The following FAM135B variants were observed in gnomAD, a reference collection of about 807,000 sequenced individuals.
The protein encoded by FAM135B is family with sequence similarity 135 member B.
In FAM135B, 43 loss-of-function variants were observed where a neutral mutation model predicts 127.7. The observed-to-expected ratio is 0.34, with a 90% CI of 0.26 to 0.43. The LOEUF is 0.43. Ranked by LOEUF, FAM135B falls within the 20% of genes least tolerant of loss-of-function variation. FAM135B has a pLI of 1.00. For missense variants in FAM135B, 1,558 were observed against 1,725.6 expected, an observed-to-expected ratio of 0.90 and a Z score of 1.72; for synonymous variants, 670 against 665.1, an observed-to-expected ratio of 1.01 and a Z score of -0.11.
chr8:138,216,087 T>C (rs1471752829), intron 7 of FAM135B, among the ~76,000 whole-genome samples: 1 of 152,186 alleles, frequency 6.6e-6, no homozygotes, highest in Non-Finnish European at 1.5e-5. Context: ...AAGGAGCCTG[T>C]CTGCACATGG....
At chr8:138,494,924 T>C (rs950509674) in intron 1 of FAM135B, among the ~76,000 whole-genome samples, 1 of 152,034 alleles carries the variant, frequency 6.6e-6, no homozygotes, top group Admixed American at 6.5e-5. Context: ...GGCAAAGCAC[T>C]TGACCTTCAG....
chr8:138,438,631 G>A (rs1055701914), intron 1 of FAM135B: 1 of 152,078 alleles, frequency 6.6e-6, no homozygotes, highest in African/African-American at 2.4e-5. Context: ...TATAACCAAG[G>A]AACAAGAGAG....
intron 1 of FAM135B, among the ~76,000 whole-genome samples, chr8:138,445,418 A>G (rs1167484300): frequency 2.0e-5 from 3 of 152,204 alleles, no homozygotes; most frequent in African/African-American, 7.2e-5. Flanking sequence ...AATACTGGCA[A>G]ACCAAATCCA....
At chr8:138,257,984 T>G (rs1444299945) in intron 4 of FAM135B, among the ~76,000 whole-genome samples, 1 of 152,140 alleles carries the variant, frequency 6.6e-6, no homozygotes, top group Non-Finnish European at 1.5e-5. Context: ...TCAGATCAGG[T>G]AATTGCTGTC....
chr8:138,474,287 C>T (rs1814263637), intron 1 of FAM135B, among the ~76,000 whole-genome samples: 1 of 152,116 alleles, frequency 6.6e-6, no homozygotes, highest in South Asian at 2.1e-4. Context: ...TCCAGTTCTA[C>T]CGGCCATTAA....
intron 1 of FAM135B, among the ~76,000 whole-genome samples, chr8:138,389,104 A>C (rs1044786499): frequency 2.0e-5 from 3 of 152,220 alleles, no homozygotes; most frequent in South Asian, 2.1e-4. Flanking sequence ...ACACAATGAG[A>C]TATCACTTCA....
intron 3 of FAM135B, among the ~76,000 whole-genome samples, chr8:138,289,514 G>A (rs1374959700): frequency 4.6e-5 from 7 of 152,196 alleles, no homozygotes; most frequent in African/African-American, 1.4e-4. Context: ...GTTCCAGCTC[G>A]GTGGTATCTT....
chr8:138,235,118 A>C (rs1820170736), intron 7 of FAM135B, among the ~76,000 whole-genome samples: 1 of 152,192 alleles, frequency 6.6e-6, no homozygotes, highest in African/African-American at 2.4e-5. Context: ...CACTGTGCCT[A>C]TTATGTCTGA....
chr8:138,231,511 C>T (rs1819906224), intron 7 of FAM135B, among the ~76,000 whole-genome samples: 1 of 152,144 alleles, frequency 6.6e-6, no homozygotes, highest in Non-Finnish European at 1.5e-5. Flanking sequence ...ACTAATATAA[C>T]ATTTTATTAA....
rs56214837 is a variant in FAM135B at position 138,228,343 on chromosome 8, C to A, written c.669+14599G>T. Among the ~76,000 whole-genome samples the A allele has an allele frequency of 1.5e-3, 227 of 152,066 alleles. 1 individual carries two copies. The highest frequency in any genetic ancestry group is 5.1e-3 in the African/African-American group (213 of 41,474). On this transcript the variant is annotated intron_variant, in intron 7 of 19. Transcript: ENST00000395297. ...GAGGTTTGCATAATTTAAGAGACTC[C>A]CCAGAGGATTGTGATGTGCACTCCT...
intron 2 of FAM135B, among the ~76,000 whole-genome samples, chr8:138,332,589 A>G (rs934512531): frequency 2.0e-5 from 3 of 151,902 alleles, no homozygotes; most frequent in African/African-American, 7.3e-5. Flanking sequence ...ACCTCCATTC[A>G]AGCAAACGGG....
At position 138,242,852 on chromosome 8, in the gene FAM135B, A is replaced by ATG; in HGVS notation, c.669+88_669+89dup. The stretch of plus-strand genomic sequence containing the variant: ...AAATTAGCAAAAATCTCTGAAGGGG[A>ATG]TGTTTCAAAGAAGCATGAATCTCAT... On this transcript the variant is annotated intron_variant, in intron 7 of 19. Coordinates refer to ENST00000395297, the MANE Select transcript of FAM135B (RefSeq NM_015912.4). This position sits in a 1 kb window ranked among gnomAD's most constrained non-coding sequence, Gnocchi z 9.6. The ATG allele has an allele frequency of 6.7e-7, 1 of 1,483,602 alleles. No homozygotes were observed. The highest frequency in any genetic ancestry group is 9.0e-7 in the Non-Finnish European group (1 of 1,111,286). The allele number at this position is 1,483,602 out of a possible 1,614,324, so 91.9% of individuals were successfully genotyped here. A position where few individuals can be genotyped will look rare whatever the true frequency, so the allele number is the denominator to read the frequency against.
At chr8:138,250,213 C>T (rs1008959546) in intron 6 of FAM135B, among the ~76,000 whole-genome samples, 62 of 151,852 alleles carry the variant, frequency 4.1e-4, no homozygotes, top group Non-Finnish European at 6.9e-4. Context: ...ATTAGCTGGG[C>T]GTGGTGGCGG....
At chr8:138,369,632 G>T (rs576567240) in intron 1 of FAM135B, among the ~76,000 whole-genome samples, 30 of 152,256 alleles carry the variant, frequency 2.0e-4, no homozygotes, top group African/African-American at 7.2e-4. Context: ...CCAATGAAGA[G>T]CCATGGAGGT....
At chr8:138,240,518 T>G (rs1820674190) in intron 7 of FAM135B, among the ~76,000 whole-genome samples, 1 of 152,168 alleles carries the variant, frequency 6.6e-6, no homozygotes, top group Admixed American at 6.5e-5. Flanking sequence ...GCTTCCTACA[T>G]GAATATGATT....
intron 2 of FAM135B, among the ~76,000 whole-genome samples, chr8:138,338,170 A>C (rs573487182): frequency 6.6e-6 from 1 of 152,318 alleles, no homozygotes; most frequent in East Asian, 1.9e-4. Context: ...AAGAAAACCT[A>C]GGCAATACCA....
intron 2 of FAM135B, among the ~76,000 whole-genome samples, chr8:138,317,997 T>C (rs1480324440): frequency 1.3e-5 from 2 of 152,220 alleles, no homozygotes; most frequent in Non-Finnish European, 2.9e-5. Context: ...AAGACAGAAA[T>C]TTAATTTTGT....
chr8:138,468,684 A>AT (rs1436029035), intron 1 of FAM135B, among the ~76,000 whole-genome samples: 1 of 152,174 alleles, frequency 6.6e-6, no homozygotes, highest in Non-Finnish European at 1.5e-5. Context: ...AAATTTTAGT[A>AT]TTTTTTCCAT....
At chr8:138,343,340 C>G (rs916913774) in intron 2 of FAM135B, among the ~76,000 whole-genome samples, 2 of 152,176 alleles carry the variant, frequency 1.3e-5, no homozygotes, top group African/African-American at 2.4e-5. Context: ...CTGTCAAGAA[C>G]AGCCAAACCC....
Sources: allele counts gnomAD v4.1 joint callset (sites outside exome capture counted in the v4.1 genomes callset), GRCh38; gene constraint gnomAD v4.1.1; non-coding constraint Gnocchi (gnomAD v3.1); transcripts MANE v1.5; gene names NCBI Gene and HGNC (gene_info 2026-07-23, HGNC 2026-07-21).